LRP1B: variants seen among roughly 807,000 people sequenced by gnomAD.
LRP1B encodes LDL receptor related protein 1B.
LRP1B carries 217 observed loss-of-function variants against 556.6 expected under a neutral mutation model. The observed-to-expected ratio is 0.39, with a 90% CI of 0.35 to 0.44. LRP1B has a LOEUF of 0.44. Among genes scored for constraint, LRP1B ranks in the 20% least tolerant of loss-of-function variants. LRP1B has a pLI of 1.00. For missense variants in LRP1B, 5,053 were observed against 5,620.8 expected (o/e 0.90, Z 3.23); for synonymous variants, 2,047 against 1,865.8 (o/e 1.10, Z -2.50).
At chr2:141,134,981 T>C (rs1701455345) in intron 7 of LRP1B, among the ~76,000 whole-genome samples, 1 of 151,810 alleles carries the variant, frequency 6.6e-6, no homozygotes, top group African/African-American at 2.4e-5. Context: ...AATTTTAACA[T>C]TAAAATACAA....
chr2:142,125,034 G>A (rs1707591048), intron 1 of LRP1B, among the ~76,000 whole-genome samples: 1 of 151,762 alleles, frequency 6.6e-6, no homozygotes, highest in African/African-American at 2.4e-5. Flanking sequence ...AGAAAGGATG[G>A]AGAGAAAGAG....
chr2:140,854,521 C>T (rs1692557330), intron 27 of LRP1B, among the ~76,000 whole-genome samples: 1 of 152,054 alleles, frequency 6.6e-6, no homozygotes, highest in African/African-American at 2.4e-5. Context: ...AGTTTCTTTC[C>T]AAACAAGTGC....
intron 35 of LRP1B, among the ~76,000 whole-genome samples, chr2:140,757,995 T>A (rs1296007075): frequency 6.6e-6 from 1 of 152,180 alleles, no homozygotes; most frequent in Non-Finnish European, 1.5e-5. Context: ...ATTCTACAAT[T>A]GTATATTAAT....
At chr2:141,438,442 C>T (rs10185384) in intron 3 of LRP1B, among the ~76,000 whole-genome samples, 72,958 of 151,908 alleles carry the variant, frequency 0.48, 17,756 homozygotes, top group East Asian at 0.69. Flanking sequence ...GGGTAGAATA[C>T]ACGCATTTTT....
chr2:140,839,188 T>C (rs1185504104), intron 31 of LRP1B, among the ~76,000 whole-genome samples: 3 of 152,206 alleles, frequency 2.0e-5, no homozygotes, highest in Non-Finnish European at 4.4e-5. Context: ...AAATAAGAGA[T>C]TGATTAATTA....
intron 11 of LRP1B, among the ~76,000 whole-genome samples, chr2:141,039,556 C>T (rs1049548059): frequency 1.3e-5 from 2 of 151,986 alleles, no homozygotes; most frequent in African/African-American, 4.8e-5. Flanking sequence ...CTCTTTTGAC[C>T]TTCCCAGCAA....
In LRP1B at chr2:140,717,197, A is replaced by G. The variant is rs17572714; in HGVS notation, c.5759-381T>C. Reference sequence around the variant, plus strand: ...AGTTTTTCTCTTCACAGCTATACCTATGTCTGAATCTCCTATTAAAATGAA... The same window carrying G: ...AGTTTTTCTCTTCACAGCTATACCTGTGTCTGAATCTCCTATTAAAATGAA... On this transcript the variant is annotated intron_variant, in intron 35 of 90. Coordinates refer to ENST00000389484, the MANE Select transcript of LRP1B (RefSeq NM_018557.3). Among the ~76,000 whole-genome samples the G allele has an allele frequency of 7.6e-3, 1,158 of 152,132 alleles. 3 individuals carry two copies. The highest frequency in any genetic ancestry group is 0.011 in the Non-Finnish European group (756 of 67,950).
At chr2:141,172,839 T>C (rs1323772449) in intron 7 of LRP1B, among the ~76,000 whole-genome samples, 1 of 152,012 alleles carries the variant, frequency 6.6e-6, no homozygotes, top group African/African-American at 2.4e-5. Context: ...AGTAGTTACC[T>C]TTGAATAACA....
chr2:140,663,569 C>T (rs550714369), intron 41 of LRP1B, among the ~76,000 whole-genome samples: 2 of 152,274 alleles, frequency 1.3e-5, no homozygotes, highest in African/African-American at 4.8e-5. Flanking sequence ...TCACTTCTCT[C>T]GGACTTCATA....
At chr2:142,027,534 C>T (rs888032604) in intron 1 of LRP1B, among the ~76,000 whole-genome samples, 4 of 151,906 alleles carry the variant, frequency 2.6e-5, no homozygotes, top group Admixed American at 6.6e-5. Flanking sequence ...GTCAAACAGG[C>T]TAACATTAGC....
chr2:141,746,933 G>T (rs1036505), intron 2 of LRP1B, among the ~76,000 whole-genome samples: 91,097 of 151,820 alleles, frequency 0.6, 27,641 homozygotes, highest in Admixed American at 0.68. Context: ...TGACTCTAAC[G>T]GCATCAGAGT....
chr2:140,563,052 C>T (rs879356945), intron 43 of LRP1B, among the ~76,000 whole-genome samples: 5 of 152,124 alleles, frequency 3.3e-5, no homozygotes, highest in Admixed American at 6.5e-5. Flanking sequence ...TACCAGGAAA[C>T]TGTTCAAAGT....
At chr2:141,148,300 T>C (rs950970995) in intron 7 of LRP1B, among the ~76,000 whole-genome samples, 3 of 152,172 alleles carry the variant, frequency 2.0e-5, no homozygotes, top group African/African-American at 7.2e-5. Context: ...GTTCCTAAAC[T>C]TGTCACCTTT....
chr2:141,458,958 C>T (rs1215756055), intron 3 of LRP1B, among the ~76,000 whole-genome samples: 1 of 152,062 alleles, frequency 6.6e-6, no homozygotes, highest in Non-Finnish European at 1.5e-5. Flanking sequence ...GGAAATTGGC[C>T]TCATGCTATA....
At chr2:141,472,925 T>C (rs1461658669) in intron 3 of LRP1B, among the ~76,000 whole-genome samples, 1 of 152,208 alleles carries the variant, frequency 6.6e-6, no homozygotes, top group Non-Finnish European at 1.5e-5. Context: ...GATGTAAATC[T>C]ATGACAAAGG....
intron 2 of LRP1B, among the ~76,000 whole-genome samples, chr2:141,654,986 C>A (rs1175807593): frequency 6.6e-6 from 1 of 151,934 alleles, no homozygotes; most frequent in Non-Finnish European, 1.5e-5. Flanking sequence ...GTAGTTTTTG[C>A]AATTTATCAG....
intron 2 of LRP1B, among the ~76,000 whole-genome samples, chr2:141,685,014 C>T (rs1691244580): frequency 6.6e-6 from 1 of 152,078 alleles, no homozygotes. Context: ...AGGATTATTC[C>T]AAGGTCTTGA....
intron 6 of LRP1B, among the ~76,000 whole-genome samples, chr2:141,197,090 T>C (rs1227323832): frequency 6.6e-6 from 1 of 152,150 alleles, no homozygotes; most frequent in African/African-American, 2.4e-5. Context: ...TTCCCAGCTA[T>C]GTGAAACTTT....
chr2:140,809,217 A>G (rs1386131195), intron 32 of LRP1B, among the ~76,000 whole-genome samples: 1 of 152,086 alleles, frequency 6.6e-6, no homozygotes, highest in African/African-American at 2.4e-5. Context: ...GCTAGCCTAT[A>G]TAGTAGGTTA....
Sources: gnomAD v4.1 joint callset for allele counts (sites outside exome capture counted in the v4.1 genomes callset) on GRCh38, gnomAD v4.1.1 for gene constraint, MANE v1.5 for transcripts, NCBI Gene and HGNC (gene_info 2026-07-23, HGNC 2026-07-21) for gene names.